PDE1C: variants seen among roughly 807,000 people sequenced by gnomAD.
The protein encoded by PDE1C is phosphodiesterase 1C.
Under a neutral mutation model 93.1 loss-of-function variants are expected in PDE1C, and 62 were observed. That is an observed-to-expected ratio of 0.67 (90% CI 0.54 to 0.82). The LOEUF (loss-of-function observed/expected upper bound fraction) is 0.82, where lower values mean the gene tolerates loss of function less well. Ranked by LOEUF, PDE1C falls within the 40% of genes least tolerant of loss-of-function variation. The pLI, the probability that PDE1C is intolerant of heterozygous loss-of-function variation, is 0.00. For synonymous variants in PDE1C, 325 were observed against 310.1 expected (o/e 1.05, Z -0.50); for missense variants, 742 against 884.6 (o/e 0.84, Z 2.04).
chr7:32,106,792 G>A (rs1798334948), intron 3 of PDE1C, among the ~76,000 whole-genome samples: 1 of 146,878 alleles, frequency 6.8e-6, no homozygotes, highest in African/African-American at 2.4e-5. Flanking sequence ...AAAATTATAA[G>A]CCATGCTAAA....
chr7:31,694,387 A>ACACACACACACACACACACACACAC, the PDE1C span, among the ~76,000 whole-genome samples: 1 of 141,600 alleles, frequency 7.1e-6, no homozygotes, highest in Non-Finnish European at 1.5e-5. Flanking sequence ...CTCTCTCTCA[A>ACACACACACACACACACACACACAC]ACACACACAC....
chr7:31,896,572 T>C (rs1799353787), intron 2 of PDE1C, among the ~76,000 whole-genome samples: 1 of 152,070 alleles, frequency 6.6e-6, no homozygotes, highest in Non-Finnish European at 1.5e-5. Flanking sequence ...GATAAAGAGA[T>C]AAGAATAGGA....
chr7:31,716,914 A>G, the PDE1C span, among the ~76,000 whole-genome samples: 1 of 152,172 alleles, frequency 6.6e-6, no homozygotes, highest in East Asian at 1.9e-4. Context: ...ATGAAGACCA[A>G]CCTACCAAGA....
chr7:31,801,647 T>C (rs935262378), intron 16 of PDE1C, among the ~76,000 whole-genome samples: 2 of 151,494 alleles, frequency 1.3e-5, no homozygotes, highest in African/African-American at 4.8e-5. Flanking sequence ...TTGTAGTTTG[T>C]TTCAAGTATT....
intron 17 of PDE1C, among the ~76,000 whole-genome samples, chr7:31,760,673 C>T (rs1794774931): frequency 1.3e-5 from 2 of 151,706 alleles, no homozygotes; most frequent in South Asian, 4.2e-4. Context: ...TGTTGGATAT[C>T]TGTTTTTTCT....
intron 1 of PDE1C, among the ~76,000 whole-genome samples, chr7:32,347,345 T>C (rs899980190): frequency 8.5e-5 from 13 of 152,208 alleles, no homozygotes; most frequent in African/African-American, 2.4e-4. Flanking sequence ...GAAACTTTAT[T>C]GACCTCTCAG....
intron 3 of PDE1C, among the ~76,000 whole-genome samples, chr7:32,141,118 T>C: frequency 6.6e-6 from 1 of 152,236 alleles, no homozygotes; most frequent in East Asian, 1.9e-4. Flanking sequence ...TAAGTAGCTA[T>C]TCCTCCTGCC....
intron 17 of PDE1C, among the ~76,000 whole-genome samples, chr7:31,773,079 A>T (rs1795604909): frequency 6.6e-6 from 1 of 152,234 alleles, no homozygotes; most frequent in South Asian, 2.1e-4. Context: ...CAGGATGTGA[A>T]GCACAGCTGC....
At chr7:32,241,168 G>A (rs1000403580) in intron 1 of PDE1C, among the ~76,000 whole-genome samples, 1 of 152,214 alleles carries the variant, frequency 6.6e-6, no homozygotes, top group African/African-American at 2.4e-5. Flanking sequence ...AGATACATGA[G>A]CCTGGAGTTC....
chr7:32,152,582 GA>G (rs1204859409), intron 3 of PDE1C, among the ~76,000 whole-genome samples: 2 of 152,318 alleles, frequency 1.3e-5, no homozygotes, highest in East Asian at 3.9e-4. Context: ...CTCTTTTAAT[GA>G]GGATTATCAA....
chr7:32,036,788 A>C (rs1174026295), intron 2 of PDE1C, among the ~76,000 whole-genome samples: 1 of 152,186 alleles, frequency 6.6e-6, no homozygotes, highest in Non-Finnish European at 1.5e-5. Flanking sequence ...ATACCTATTA[A>C]GGCAGAGGTT....
chr7:32,365,725 A>T (rs1784218642), intron 1 of PDE1C, among the ~76,000 whole-genome samples: 1 of 152,186 alleles, frequency 6.6e-6, no homozygotes, highest in Non-Finnish European at 1.5e-5. Flanking sequence ...CACCATGTGC[A>T]TGCACACATC....
intron 2 of PDE1C, chr7:32,209,360 A>C: frequency 1.3e-6 from 1 of 776,146 alleles, no homozygotes; most frequent in African/African-American, 1.8e-5. Context: ...TGTTAACCAG[A>C]TGATATTTCC....
intron 3 of PDE1C, among the ~76,000 whole-genome samples, chr7:32,165,302 C>T (rs193159438): frequency 1.2e-4 from 19 of 152,286 alleles, no homozygotes; most frequent in South Asian, 2.1e-4. Context: ...CATTCACATG[C>T]GTTATCTCCT....
intron 1 of PDE1C, among the ~76,000 whole-genome samples, chr7:32,267,104 G>C (rs1810630786): frequency 6.6e-6 from 1 of 152,232 alleles, no homozygotes; most frequent in Non-Finnish European, 1.5e-5. Context: ...CTGATAGGCG[G>C]GGCCTCGACC....
intron 1 of PDE1C, among the ~76,000 whole-genome samples, chr7:32,284,017 A>C (rs1811847355): frequency 4.6e-5 from 7 of 152,178 alleles, no homozygotes; most frequent in Admixed American, 3.3e-4. Context: ...GACATTTATT[A>C]ACACCAACAA....
chr7:32,359,154 C>T (rs1458878060), intron 1 of PDE1C, among the ~76,000 whole-genome samples: 3 of 152,158 alleles, frequency 2.0e-5, no homozygotes, highest in Non-Finnish European at 4.4e-5. Context: ...GTCAGTTTAG[C>T]AAGAATTTCT....
the PDE1C span, among the ~76,000 whole-genome samples, chr7:31,628,771 A>T: frequency 7.2e-5 from 11 of 152,072 alleles, no homozygotes; most frequent in Non-Finnish European, 1.5e-4. Flanking sequence ...GTGATTCTTG[A>T]TGGAAACTTT....
intron 1 of PDE1C, among the ~76,000 whole-genome samples, chr7:32,389,188 G>GTGTGTGTGTGTGTGTT (rs1308096371): frequency 7.3e-6 from 1 of 136,604 alleles, no homozygotes; most frequent in African/African-American, 2.8e-5. Flanking sequence ...GTGTGTGTGT[G>GTGTGTGTGTGTGTGTT]TGGTTTTTTT....
Sources: gnomAD v4.1 joint callset for allele counts (sites outside exome capture counted in the v4.1 genomes callset) on GRCh38, gnomAD v4.1.1 for gene constraint, MANE v1.5 for transcripts, NCBI Gene and HGNC (gene_info 2026-07-23, HGNC 2026-07-21) for gene names.